The following PDE4D variants were observed in gnomAD, a reference collection of about 807,000 sequenced individuals.
PDE4D encodes phosphodiesterase 4D.
Under a neutral mutation model 87.4 loss-of-function variants are expected in PDE4D, and 24 were observed. That is an observed-to-expected ratio of 0.27 (90% confidence interval 0.20 to 0.39). The LOEUF (loss-of-function observed/expected upper bound fraction) is 0.39. PDE4D is among the 10% of genes least tolerant of loss of function. PDE4D has a pLI of 1.00. For missense variants in PDE4D, 714 were observed against 1,041.0 expected (o/e 0.69, Z 4.32); for synonymous variants, 384 against 383.2 (o/e 1.00, Z -0.02).
At chr5:59,619,963 T>C (rs1201092821) in intron 1 of PDE4D, among the ~76,000 whole-genome samples, 1 of 152,168 alleles carries the variant, frequency 6.6e-6, no homozygotes, top group Non-Finnish European at 1.5e-5. Context: ...GTTTTAAGTA[T>C]GTTTAAATAC....
intron 1 of PDE4D, among the ~76,000 whole-genome samples, chr5:60,280,615 T>C (rs1314110540): frequency 2.6e-5 from 4 of 151,966 alleles, no homozygotes; most frequent in African/African-American, 9.7e-5. Context: ...CTACACTTCG[T>C]GGCCTCAGGT....
At chr5:60,403,537 GT>G (rs1561213245) in intron 1 of PDE4D, among the ~76,000 whole-genome samples, 1 of 152,246 alleles carries the variant, frequency 6.6e-6, no homozygotes, top group Non-Finnish European at 1.5e-5. Flanking sequence ...CTGTATTCAT[GT>G]TCTGTGTGCC....
intron 1 of PDE4D, among the ~76,000 whole-genome samples, chr5:59,572,528 C>T (rs898016328): frequency 1.3e-5 from 2 of 152,022 alleles, no homozygotes; most frequent in South Asian, 2.1e-4. Flanking sequence ...TCGCCCAGGC[C>T]GGACTGCAGT....
chr5:59,647,766 T>C (rs868294651), intron 1 of PDE4D, among the ~76,000 whole-genome samples: 1 of 152,184 alleles, frequency 6.6e-6, no homozygotes, highest in South Asian at 2.1e-4. Context: ...CAATATTCTA[T>C]AAAGATCTGA....
At chr5:60,166,721 T>G (rs1782939716) in intron 2 of PDE4D, among the ~76,000 whole-genome samples, 2 of 152,162 alleles carry the variant, frequency 1.3e-5, no homozygotes, top group Admixed American at 6.5e-5. Context: ...AGAACTCCAT[T>G]AAGCATTTTT....
chr5:60,397,559 C>T (rs866437204), intron 1 of PDE4D, among the ~76,000 whole-genome samples: 3 of 152,194 alleles, frequency 2.0e-5, no homozygotes, highest in South Asian at 2.1e-4. Flanking sequence ...CACTATACCA[C>T]ATGGTTTCAC....
chr5:59,772,531 C>T (rs1763680433), intron 1 of PDE4D, among the ~76,000 whole-genome samples: 1 of 152,114 alleles, frequency 6.6e-6, no homozygotes, highest in Admixed American at 6.6e-5. Context: ...TGTTTTGTCT[C>T]ATTAATCATT....
chr5:59,331,926 G>A (rs1258448286), intron 1 of PDE4D, among the ~76,000 whole-genome samples: 1 of 152,162 alleles, frequency 6.6e-6, no homozygotes, highest in Non-Finnish European at 1.5e-5. Context: ...TCTGAGATAT[G>A]TTCTTCCAAA....
intron 3 of PDE4D, among the ~76,000 whole-genome samples, chr5:59,966,989 T>TATA: frequency 6.6e-6 from 1 of 152,322 alleles, no homozygotes; most frequent in South Asian, 2.1e-4. Context: ...GCCCCAAATA[T>TATA]ATAATTTCCT....
At chr5:59,157,992 C>A (rs1448633363) in intron 5 of PDE4D, among the ~76,000 whole-genome samples, 1 of 152,144 alleles carries the variant, frequency 6.6e-6, no homozygotes, top group Non-Finnish European at 1.5e-5. Context: ...GCGTGAGTGG[C>A]TCTCCATTGG....
intron 1 of PDE4D, among the ~76,000 whole-genome samples, chr5:60,414,404 T>C (rs1169563339): frequency 2.6e-5 from 4 of 152,184 alleles, no homozygotes; most frequent in African/African-American, 4.8e-5. Flanking sequence ...TATTAAGATA[T>C]GCATTGCCCA....
chr5:60,114,791 T>C, intron 2 of PDE4D, among the ~76,000 whole-genome samples: 1 of 152,082 alleles, frequency 6.6e-6, no homozygotes, highest in Non-Finnish European at 1.5e-5. Context: ...AAGGCAATAT[T>C]ACCACTTTAA....
chr5:59,182,189 T>C (rs569425787), intron 4 of PDE4D, among the ~76,000 whole-genome samples: 1 of 152,300 alleles, frequency 6.6e-6, no homozygotes, highest in East Asian at 1.9e-4. Context: ...AAAATATTAA[T>C]ATTTTAAGCA....
At chr5:60,216,482 C>T (rs1743860814) in intron 1 of PDE4D, among the ~76,000 whole-genome samples, 1 of 151,956 alleles carries the variant, frequency 6.6e-6, no homozygotes, top group South Asian at 2.1e-4. Flanking sequence ...TTAAATTTTC[C>T]AATCAAATGA....
intron 1 of PDE4D, among the ~76,000 whole-genome samples, chr5:60,450,790 G>C (rs1046720739): frequency 1.3e-5 from 2 of 152,060 alleles, no homozygotes; most frequent in Admixed American, 6.6e-5. Context: ...TTCAACTGCA[G>C]AAAATAGGAT....
chr5:59,157,217 A>G lies in PDE4D; in HGVS notation c.808+23378T>C, dbSNP rs1780379536. On this transcript the variant is annotated intron_variant, in intron 5 of 14. Transcript: ENST00000340635. ...CCACCAGTCAGCATAAAATGGTTAAAACTGAAGCCTAGTAAATCACTTGTA... is the reference window on the plus strand; with the variant it reads ...CCACCAGTCAGCATAAAATGGTTAAGACTGAAGCCTAGTAAATCACTTGTA... 1.8e-5 allele frequency: 12 copies of G among 679,974 alleles called. No individual in the cohort carries two copies. The East Asian group carries it at 3.2e-4, about 18-fold the overall frequency. The allele number at this position is 679,974 out of a possible 1,614,324, so 42.1% of individuals were successfully genotyped here.
intron 1 of PDE4D, among the ~76,000 whole-genome samples, chr5:60,202,364 C>T (rs1265331532): frequency 6.6e-6 from 1 of 151,962 alleles, no homozygotes; most frequent in East Asian, 1.9e-4. Flanking sequence ...ATAGAGTTTC[C>T]TCATGGATCC....
rs189792753 is a variant in PDE4D at position 59,401,432 on chromosome 5, A to G, written c.456-185464T>C. Among the ~76,000 whole-genome samples the G allele has an allele frequency of 2.8e-5, 4 of 143,104 alleles. No individual in the cohort carries two copies. The South Asian group carries it at 6.7e-4, about 24-fold the overall frequency. 93.9% of individuals were successfully genotyped at this position (143,104 alleles called of 152,430 possible). On this transcript the variant is annotated intron_variant, in intron 1 of 14. Transcript: ENST00000340635. ...GCAACACAGACTCTGTTTCTAATAC[A>G]TATATTAGAGACTATCTATCTATCT...
At chr5:60,087,205 C>A (rs1277776735) in intron 2 of PDE4D, among the ~76,000 whole-genome samples, 1 of 152,174 alleles carries the variant, frequency 6.6e-6, no homozygotes, top group African/African-American at 2.4e-5. Flanking sequence ...ATAAGACTCC[C>A]AGAATGGGAA....
Sources: gnomAD v4.1 joint callset for allele counts (sites outside exome capture counted in the v4.1 genomes callset) on GRCh38, gnomAD v4.1.1 for gene constraint, MANE v1.5 for transcripts, NCBI Gene and HGNC (gene_info 2026-07-23, HGNC 2026-07-21) for gene names.